Variants in RAB3C observed in about 807,000 individuals in gnomAD.
The protein encoded by RAB3C is RAB3C, member RAS oncogene family.
RAB3C carries 17 observed loss-of-function variants against 26.4 expected under a neutral mutation model. The ratio of observed to expected loss-of-function variants is 0.64; its 90% CI spans 0.44 to 0.97. The LOEUF (loss-of-function observed/expected upper bound fraction) is 0.97. Among genes scored for constraint, RAB3C ranks in the 50% least tolerant of loss-of-function variants. The probability of loss-of-function intolerance (pLI) is 0.00; values close to 1 mark genes in which losing one functional copy is unlikely to be tolerated. For synonymous variants in RAB3C, 91 were observed against 95.9 expected (o/e 0.95, Z 0.30); for missense variants, 242 against 281.9 (o/e 0.86, Z 1.01).
chr5:58,654,982 A>G (rs1381545619), intron 2 of RAB3C, among the ~76,000 whole-genome samples: 1 of 152,216 alleles, frequency 6.6e-6, no homozygotes, highest in Non-Finnish European at 1.5e-5. Context: ...GTGATAAATT[A>G]CATATATACA....
At chr5:58,692,764 G>A (rs1748597180) in intron 2 of RAB3C, among the ~76,000 whole-genome samples, 1 of 151,942 alleles carries the variant, frequency 6.6e-6, no homozygotes, top group Admixed American at 6.6e-5. Context: ...TTTAGACAAT[G>A]GTTGTAAGTC....
chr5:58,610,607 A>G (rs549965566), intron 1 of RAB3C, among the ~76,000 whole-genome samples: 24 of 152,070 alleles, frequency 1.6e-4, no homozygotes, highest in African/African-American at 5.5e-4. Context: ...TCCAATACAT[A>G]TATCCCATCC....
At chr5:58,677,788 A>G (rs1748258522) in intron 2 of RAB3C, among the ~76,000 whole-genome samples, 1 of 152,216 alleles carries the variant, frequency 6.6e-6, no homozygotes, top group South Asian at 2.1e-4. Context: ...CAAAGCCTAT[A>G]GCTGCAGTGA....
chr5:58,832,371 C>T (rs1743631923), intron 4 of RAB3C, among the ~76,000 whole-genome samples: 1 of 152,160 alleles, frequency 6.6e-6, no homozygotes, highest in Non-Finnish European at 1.5e-5. Context: ...TGGGGTCACA[C>T]TAGGAGTTTA....
At chr5:58,680,717 T>C (rs977230093) in intron 2 of RAB3C, among the ~76,000 whole-genome samples, 2 of 152,128 alleles carry the variant, frequency 1.3e-5, no homozygotes, top group Non-Finnish European at 2.9e-5. Flanking sequence ...ACTTCCTTCC[T>C]CCATCAGCAC....
intron 2 of RAB3C, among the ~76,000 whole-genome samples, chr5:58,714,123 A>G (rs1749119724): frequency 6.6e-6 from 1 of 152,158 alleles, no homozygotes; most frequent in African/African-American, 2.4e-5. Context: ...AATGGAAAAG[A>G]GCCTAAGAAA....
In RAB3C at chr5:58,854,892, C is replaced by G. The variant is rs994959516; in HGVS notation, c.*3541C>G. The stretch of plus-strand genomic sequence containing the variant: ...AAATCTTATTCATATTAATTATAGG[C>G]CTTTTGTTTAGTACACTGGTTATTT... On this transcript the variant is annotated 3_prime_UTR_variant, in exon 5 of 5. Transcript: ENST00000282878. The G allele has an allele frequency of 5.9e-5, 9 of 152,086 alleles. No homozygotes were observed. The East Asian group carries it at 1.7e-3, about 29-fold the overall frequency. The allele number at this position is 152,086 out of a possible 1,614,324, so 9.4% of individuals were successfully genotyped here.
rs913865039 is a variant in RAB3C, at chr5:58,854,233, A to G, written c.*2882A>G. The G allele has an allele frequency of 6.6e-5, 10 of 152,204 alleles. No individual in the cohort carries two copies. Among genetic ancestry groups the G allele is most frequent in the African/African-American group, 2.2e-4 (9 of 41,438 alleles). 9.4% of individuals were successfully genotyped at this position (152,204 alleles called of 1,614,324 possible). A position where few individuals can be genotyped will look rare whatever the true frequency, so the allele number is the denominator to read the frequency against. On this transcript the variant is annotated 3_prime_UTR_variant, in exon 5 of 5. Transcript: ENST00000282878. ...ACATTTATCTCTTGTCTTTGATTTA[A>G]TTAAATTAGTGTTTTAAGTATGAAT...
chr5:58,614,933 T>C (rs533683910), intron 1 of RAB3C, among the ~76,000 whole-genome samples: 2 of 152,250 alleles, frequency 1.3e-5, no homozygotes, highest in African/African-American at 4.8e-5. Context: ...ATTTACATTG[T>C]GTTAGGTATT....
At chr5:58,605,025 G>A (rs114548665) in intron 1 of RAB3C, among the ~76,000 whole-genome samples, 67 of 152,202 alleles carry the variant, frequency 4.4e-4, no homozygotes, top group Non-Finnish European at 8.8e-4. Flanking sequence ...TCTTGGCTTG[G>A]CTCTCTAATT....
intron 3 of RAB3C, among the ~76,000 whole-genome samples, chr5:58,799,595 T>C (rs920260206): frequency 6.6e-6 from 1 of 152,214 alleles, no homozygotes; most frequent in African/African-American, 2.4e-5. Context: ...CCCTCATGAC[T>C]GAAACAAACA....
intron 2 of RAB3C, among the ~76,000 whole-genome samples, chr5:58,642,261 G>A (rs1747427385): frequency 1.3e-5 from 2 of 152,216 alleles, no homozygotes; most frequent in Non-Finnish European, 2.9e-5. Context: ...TAGTTCAATG[G>A]AAGATAAAAC....
chr5:58,813,557 A>G (rs1743132579), intron 3 of RAB3C, among the ~76,000 whole-genome samples: 1 of 140,966 alleles, frequency 7.1e-6, no homozygotes, highest in African/African-American at 2.5e-5. Context: ...TAGCCATTGT[A>G]TTGTTAAGTT....
chr5:58,780,730 C>T (rs1357419972), intron 3 of RAB3C, among the ~76,000 whole-genome samples: 1 of 152,050 alleles, frequency 6.6e-6, no homozygotes, highest in Non-Finnish European at 1.5e-5. Context: ...TTTCACGACC[C>T]TTTGTGGCCA....
At chr5:58,712,454 T>G (rs1749079446) in intron 2 of RAB3C, among the ~76,000 whole-genome samples, 1 of 152,180 alleles carries the variant, frequency 6.6e-6, no homozygotes, top group African/African-American at 2.4e-5. Context: ...GGCACTAAAT[T>G]GTTTGGGATA....
intron 2 of RAB3C, among the ~76,000 whole-genome samples, chr5:58,621,273 G>T (rs1201002406): frequency 6.6e-6 from 1 of 152,132 alleles, no homozygotes; most frequent in African/African-American, 2.4e-5. Context: ...TTCAGACATT[G>T]ATTTAATTTG....
chr5:58,606,648 A>G (rs545482211), intron 1 of RAB3C, among the ~76,000 whole-genome samples: 1 of 152,302 alleles, frequency 6.6e-6, no homozygotes, highest in South Asian at 2.1e-4. Context: ...GTAGGGTCCG[A>G]CAGACCTCAT....
chr5:58,712,060 C>T (rs10055370), intron 2 of RAB3C, among the ~76,000 whole-genome samples: 3 of 152,194 alleles, frequency 2.0e-5, no homozygotes, highest in Admixed American at 2.0e-4. Context: ...ACAAACACCC[C>T]TCAGCCCATC....
At chr5:58,622,500 A>T (rs1272915499) in intron 2 of RAB3C, among the ~76,000 whole-genome samples, 1 of 152,144 alleles carries the variant, frequency 6.6e-6, no homozygotes, top group African/African-American at 2.4e-5. Flanking sequence ...AGTCTCTGTC[A>T]CTAATTTCAC....
Sources: allele counts gnomAD v4.1 joint callset (sites outside exome capture counted in the v4.1 genomes callset), GRCh38; gene constraint gnomAD v4.1.1; transcripts MANE v1.5; gene names NCBI Gene and HGNC (gene_info 2026-07-23, HGNC 2026-07-21).